Variants in MYO16 observed in about 807,000 individuals in gnomAD.
MYO16 encodes the protein myosin XVI.
In MYO16, 94 loss-of-function variants were observed where a neutral mutation model predicts 205.3. That is an observed-to-expected ratio of 0.46 (90% CI 0.39 to 0.54). The LOEUF is 0.54. Among genes scored for constraint, MYO16 ranks in the 20% least tolerant of loss-of-function variants. MYO16 has a pLI of 0.00. For missense variants in MYO16, 2,315 were observed against 2,387.5 expected, an observed-to-expected ratio of 0.97 and a Z score of 0.63; for synonymous variants, 988 against 954.0, an observed-to-expected ratio of 1.04 and a Z score of -0.66.
chr13:109,074,169 T>A (rs1230102405), intron 27 of MYO16, among the ~76,000 whole-genome samples: 2 of 152,168 alleles, frequency 1.3e-5, no homozygotes, highest in Non-Finnish European at 2.9e-5. Context: ...AAGAAAAAAA[T>A]TGTGTTTTTA....
Position 109,081,657 on chromosome 13 carries a change from T to C in MYO16, c.3336-19128T>C, listed in dbSNP as rs73618354. On this transcript the variant is annotated intron_variant, in intron 27 of 34. Transcript: ENST00000457511. ...TTAGAACTGGACCTGAGCGTAAGGG[T>C]AGTTGAGTTTAATATGAAAAAAGGG... 3.6e-3 allele frequency among the ~76,000 whole-genome samples: 548 copies of C among 151,904 alleles called. 4 individuals carry two copies. The highest frequency in any genetic ancestry group is 0.012 in the African/African-American group (496 of 41,374).
chr13:108,896,421 C>T (rs1880415549), intron 14 of MYO16, among the ~76,000 whole-genome samples: 1 of 152,028 alleles, frequency 6.6e-6, no homozygotes, highest in South Asian at 2.1e-4. Flanking sequence ...TATCAATTTA[C>T]TTTTATCATC....
intron 15 of MYO16, among the ~76,000 whole-genome samples, chr13:108,906,490 T>C (rs1880985750): frequency 6.6e-6 from 1 of 152,196 alleles, no homozygotes; most frequent in African/African-American, 2.4e-5. Flanking sequence ...TAATAACAGA[T>C]GAATAATCAT....
intron 32 of MYO16, among the ~76,000 whole-genome samples, chr13:109,148,121 C>T (rs1293204441): frequency 6.6e-6 from 1 of 152,002 alleles, no homozygotes. Flanking sequence ...CCCTAAATGT[C>T]TAGTAGAAAT....
chr13:108,626,004 C>T (rs1594153531), upstream of MYO16, among the ~76,000 whole-genome samples: 1 of 152,186 alleles, frequency 6.6e-6, no homozygotes, highest in East Asian at 1.9e-4. Context: ...AGCTGTGTCT[C>T]ATGTATCCCA....
At chr13:108,952,381 G>A (rs1007106286) in intron 16 of MYO16, among the ~76,000 whole-genome samples, 1 of 152,132 alleles carries the variant, frequency 6.6e-6, no homozygotes, top group Non-Finnish European at 1.5e-5. Context: ...AAGACGGGGT[G>A]TGTTGGTTCG....
At position 109,153,785 on chromosome 13, in the gene MYO16, A is replaced by C. The variant is rs7321348; in HGVS notation, c.5165-11116A>C. Among the ~76,000 whole-genome samples, 419 of 152,348 alleles carry C rather than the reference A, an allele frequency of 2.8e-3. 3 individuals are homozygous for C. The highest frequency in any genetic ancestry group is 8.4e-3 in the African/African-American group (348 of 41,578). On this transcript the variant is annotated intron_variant, in intron 32 of 34. Coordinates refer to ENST00000457511, the MANE Select transcript of MYO16 (RefSeq NM_001198950.3). ...AAAAAAAAGTGATTAATCTGGGCTG[A>C]TTAATTACTTAAGAAATTAACAGCT... is the stretch of plus-strand genomic sequence containing the variant.
chr13:108,800,249 C>G (rs1327645359), intron 6 of MYO16, among the ~76,000 whole-genome samples: 1 of 152,172 alleles, frequency 6.6e-6, no homozygotes, highest in Non-Finnish European at 1.5e-5. Context: ...GAATCAAAAC[C>G]AGTTTATTCT....
chr13:108,529,404 A>AT, the MYO16 span, among the ~76,000 whole-genome samples: 127 of 151,036 alleles, frequency 8.4e-4, no homozygotes, highest in Non-Finnish European at 1.4e-3. Flanking sequence ...CTTTAAAGCC[A>AT]TTTTTTTTTA....
intron 11 of MYO16, among the ~76,000 whole-genome samples, chr13:108,861,672 T>C (rs1457873834): frequency 6.6e-6 from 1 of 152,156 alleles, no homozygotes; most frequent in African/African-American, 2.4e-5. Flanking sequence ...TGGTAGCTTA[T>C]TGTGTTTCTA....
intron 23 of MYO16, among the ~76,000 whole-genome samples, chr13:109,035,025 A>G (rs750791599): frequency 5.9e-5 from 9 of 152,202 alleles, no homozygotes; most frequent in Non-Finnish European, 1.0e-4. Flanking sequence ...AGCAGAAACT[A>G]TAATAGATTG....
At chr13:108,783,502 ATTGAG>A (rs1886368595) in intron 4 of MYO16, among the ~76,000 whole-genome samples, 1 of 152,172 alleles carries the variant, frequency 6.6e-6, no homozygotes, top group African/African-American at 2.4e-5. Flanking sequence ...TTAATGCTGA[ATTGAG>A]TTAAGACTTT....
chr13:109,196,464 T>C (rs1245080331), intron 34 of MYO16, among the ~76,000 whole-genome samples: 2 of 152,206 alleles, frequency 1.3e-5, no homozygotes, highest in South Asian at 4.1e-4. Flanking sequence ...TGATCATTTA[T>C]ATATCTGTTT....
At position 109,140,198 on chromosome 13, in the gene MYO16, C is replaced by T; in HGVS notation, c.4052-66C>T. 1 of 1,572,450 alleles carries T rather than the reference C, an allele frequency of 6.4e-7. No individual in the cohort carries two copies. Among genetic ancestry groups the T allele is most frequent in the Non-Finnish European group, 8.6e-7 (1 of 1,167,602 alleles). On this transcript the variant is annotated intron_variant, in intron 31 of 34. Coordinates refer to ENST00000457511, the MANE Select transcript of MYO16 (RefSeq NM_001198950.3). The surrounding 1 kb of genome is among the most constrained non-coding windows in gnomAD (Gnocchi z 8.0). ...GGCCGTGGCTCCCTCCGAGTCGAGC[C>T]CCGGGCTTGGTGGGCACCCGTGGGC... is the stretch of plus-strand genomic sequence containing the variant.
the MYO16 span, among the ~76,000 whole-genome samples, chr13:108,575,473 T>A: frequency 6.6e-6 from 1 of 152,140 alleles, no homozygotes; most frequent in Non-Finnish European, 1.5e-5. Flanking sequence ...AAGCCAAGCC[T>A]GAGCCCCAGC....
chr13:109,173,952 G>GGGC (rs1879045236), intron 33 of MYO16, among the ~76,000 whole-genome samples: 3 of 147,306 alleles, frequency 2.0e-5, no homozygotes, highest in Non-Finnish European at 4.5e-5. Flanking sequence ...TTTGATGGGG[G>GGGC]GGGGTACTCT....
intron 21 of MYO16, among the ~76,000 whole-genome samples, chr13:109,004,574 C>A (rs1053007535): frequency 6.6e-6 from 1 of 151,972 alleles, no homozygotes; most frequent in African/African-American, 2.4e-5. Context: ...AGTAGGGATG[C>A]CATTGTGGAC....
chr13:108,857,497 C>T (rs1878242823), intron 11 of MYO16, among the ~76,000 whole-genome samples: 1 of 152,160 alleles, frequency 6.6e-6, no homozygotes, highest in Non-Finnish European at 1.5e-5. Context: ...TGAATAAGGA[C>T]TATAGACATC....
intron 21 of MYO16, among the ~76,000 whole-genome samples, chr13:109,003,197 T>C (rs1885273785): frequency 6.6e-6 from 1 of 152,176 alleles, no homozygotes; most frequent in Non-Finnish European, 1.5e-5. Context: ...CAAATATAGA[T>C]TTAGTTCCAG....
Sources: allele counts gnomAD v4.1 joint callset (sites outside exome capture counted in the v4.1 genomes callset), GRCh38; gene constraint gnomAD v4.1.1; non-coding constraint Gnocchi (gnomAD v3.1); transcripts MANE v1.5; gene names NCBI Gene and HGNC (gene_info 2026-07-23, HGNC 2026-07-21).